CECR2: variants seen among roughly 807,000 people sequenced by gnomAD.
CECR2 encodes chromatin remodeling regulator CECR2.
Under a neutral mutation model 154.5 loss-of-function variants are expected in CECR2, and 30 were observed. That is an observed-to-expected ratio of 0.19 (90% CI 0.15 to 0.26). The LOEUF is 0.26. CECR2 is among the 10% of genes least tolerant of loss of function. CECR2 has a pLI of 1.00. For synonymous variants in CECR2, 725 were observed against 683.7 expected (o/e 1.06, Z -0.94); for missense variants, 1,743 against 1,829.3 (o/e 0.95, Z 0.86).
At chr22:17,457,531 C>T (rs1419025350) in intron 1 of CECR2, among the ~76,000 whole-genome samples, 1 of 152,214 alleles carries the variant, frequency 6.6e-6, no homozygotes, top group Non-Finnish European at 1.5e-5. Context: ...GGCATAAGCT[C>T]CCCAAGGGCA....
chr22:17,380,389 T>G (rs1488775217), intron 1 of CECR2, among the ~76,000 whole-genome samples: 2 of 152,260 alleles, frequency 1.3e-5, no homozygotes, highest in African/African-American at 4.8e-5. Context: ...CCTGACCTCA[T>G]GTGGCCTTTA....
intron 7 of CECR2, among the ~76,000 whole-genome samples, chr22:17,508,833 C>G (rs75669884): frequency 6.6e-6 from 1 of 152,122 alleles, no homozygotes. Flanking sequence ...TTGTTAATAG[C>G]GAGAAGTAAA....
At chr22:17,445,799 G>A (rs1237009665) in intron 1 of CECR2, among the ~76,000 whole-genome samples, 1 of 151,836 alleles carries the variant, frequency 6.6e-6, no homozygotes, top group Non-Finnish European at 1.5e-5. Context: ...TGCCATGTTG[G>A]CCAGGCTGGT....
chr22:17,494,138 C>G (rs911865686), intron 2 of CECR2, among the ~76,000 whole-genome samples: 2 of 152,166 alleles, frequency 1.3e-5, no homozygotes, highest in Admixed American at 6.5e-5. Context: ...TCTTCTTGCC[C>G]AGGCTGGAGC....
intron 9 of CECR2, among the ~76,000 whole-genome samples, chr22:17,530,416 G>A (rs529723059): frequency 1.3e-5 from 2 of 152,124 alleles, no homozygotes; most frequent in East Asian, 1.9e-4. Context: ...GCTCACGCCT[G>A]TAATCCCAGC....
chr22:17,521,369 T>C (rs1268377020), intron 8 of CECR2, among the ~76,000 whole-genome samples: 3 of 152,112 alleles, frequency 2.0e-5, no homozygotes, highest in Admixed American at 2.0e-4. Flanking sequence ...TGATACCCCG[T>C]CTCTACTAAA....
chr22:17,456,976 A>C (rs1315697280), intron 1 of CECR2, among the ~76,000 whole-genome samples: 2 of 152,216 alleles, frequency 1.3e-5, no homozygotes, highest in South Asian at 2.1e-4. Flanking sequence ...ATCCTTGTTA[A>C]TCTCATTTGC....
At chr22:17,511,682 A>C (rs1001031952) in intron 7 of CECR2, 131 bp from the exon 8 acceptor site, 3 of 620,936 alleles carry the variant, frequency 4.8e-6, no homozygotes, top group African/African-American at 1.8e-5. Context: ...GATTGTCCTA[A>C]GGAAGCCTTT....
intron 1 of CECR2, among the ~76,000 whole-genome samples, chr22:17,430,580 C>G (rs1259641464): frequency 6.6e-6 from 1 of 152,222 alleles, no homozygotes; most frequent in African/African-American, 2.4e-5. Flanking sequence ...CCAGCTTTCT[C>G]TCTGGGTTAG....
intron 8 of CECR2, among the ~76,000 whole-genome samples, chr22:17,522,334 C>A (rs1379468978): frequency 6.6e-6 from 1 of 152,138 alleles, no homozygotes; most frequent in Non-Finnish European, 1.5e-5. Context: ...GTTGCTGGAA[C>A]AATTAAGAAC....
intron 2 of CECR2, 115 bp downstream of exon 2, chr22:17,477,797 C>T: frequency 1.3e-6 from 1 of 743,726 alleles, no homozygotes; most frequent in South Asian, 1.5e-5. Context: ...CATCACGGGA[C>T]ACTGTAGATG....
chr22:17,451,485 G>A (rs577792850), intron 1 of CECR2, among the ~76,000 whole-genome samples: 50 of 152,200 alleles, frequency 3.3e-4, no homozygotes, highest in African/African-American at 1.1e-3. Context: ...TCTCATTTTA[G>A]TGCCTCTCTG....
At chr22:17,480,459 C>CACACACACACACACACACACACAG (rs373106595) in intron 2 of CECR2, among the ~76,000 whole-genome samples, 3 of 143,740 alleles carry the variant, frequency 2.1e-5, no homozygotes, top group Non-Finnish European at 4.6e-5. Context: ...CACACACACA[C>CACACACACACACACACACACACAG]AGAGAAAAGT....
chr22:17,481,342 C>CAAAAAAA (rs10714119), intron 2 of CECR2, among the ~76,000 whole-genome samples: 1 of 73,780 alleles, frequency 1.4e-5, no homozygotes, highest in Non-Finnish European at 2.8e-5. Context: ...GACTCTGTCT[C>CAAAAAAA]AAAAAAAAAA....
chr22:17,410,773 T>C (rs1346004935), intron 1 of CECR2, among the ~76,000 whole-genome samples: 1 of 152,204 alleles, frequency 6.6e-6, no homozygotes, highest in African/African-American at 2.4e-5. Flanking sequence ...AATAGAAATG[T>C]TTTTCCTTGC....
chr22:17,439,748 A>G (rs886914654), intron 1 of CECR2, among the ~76,000 whole-genome samples: 1 of 152,212 alleles, frequency 6.6e-6, no homozygotes, highest in Non-Finnish European at 1.5e-5. Context: ...TGGAATTTTA[A>G]TCAATGGGTA....
chr22:17,520,628 A>G (rs1601505495), intron 8 of CECR2, among the ~76,000 whole-genome samples: 1 of 151,876 alleles, frequency 6.6e-6, no homozygotes, highest in African/African-American at 2.4e-5. Flanking sequence ...CCTGTGCCCA[A>G]GTGTTCTCAT....
intron 8 of CECR2, among the ~76,000 whole-genome samples, chr22:17,515,385 T>C (rs533681151): frequency 8.1e-4 from 123 of 152,324 alleles, no homozygotes; most frequent in Non-Finnish European, 1.5e-3. Context: ...CTGCCCACCA[T>C]GTCTTTATAG....
chr22:17,381,382 A>G (rs2063186902), intron 1 of CECR2, among the ~76,000 whole-genome samples: 1 of 151,808 alleles, frequency 6.6e-6, no homozygotes, highest in Non-Finnish European at 1.5e-5. Context: ...TTTTTTTAAC[A>G]CGGAACACTT....
Sources: allele counts gnomAD v4.1 joint callset (sites outside exome capture counted in the v4.1 genomes callset), GRCh38; gene constraint gnomAD v4.1.1; transcripts MANE v1.5; gene names NCBI Gene and HGNC (gene_info 2026-07-23, HGNC 2026-07-21).